SCML2: variants seen among roughly 807,000 people sequenced by gnomAD.
The protein encoded by SCML2 is Scm polycomb group protein like 2, also known as sex comb on midleg-like protein 2.
Under a neutral mutation model 48.4 loss-of-function variants are expected in SCML2, and 6 were observed. The ratio of observed to expected loss-of-function variants is 0.12; its 90% confidence interval spans 0.07 to 0.24. The LOEUF is 0.24. Among genes scored for constraint, SCML2 ranks in the 10% least tolerant of loss-of-function variants. The pLI, the probability that SCML2 is intolerant of heterozygous loss-of-function variation, is 1.00. For synonymous variants in SCML2, 181 were observed against 189.5 expected (o/e 0.95, Z 0.37); for missense variants, 377 against 528.2 (o/e 0.71, Z 2.81).
chrX:18,318,810 T>G (rs1032726390), intron 6 of SCML2, among the ~76,000 whole-genome samples: 21 of 111,922 alleles, frequency 1.9e-4, no homozygotes, highest in African/African-American at 6.8e-4. Flanking sequence ...ATTGGACCAG[T>G]GGGTTATTGT....
At chrX:18,329,059 G>A (rs954699790) in intron 3 of SCML2, among the ~76,000 whole-genome samples, 1 of 111,418 alleles carries the variant, frequency 9.0e-6, no homozygotes, top group East Asian at 2.8e-4. Context: ...CTTTTTAGGG[G>A]GATAAAAATG....
intron 11 of SCML2, among the ~76,000 whole-genome samples, chrX:18,254,649 C>T (rs776231293): frequency 1.3e-4 from 15 of 111,816 alleles, no homozygotes; most frequent in African/African-American, 4.5e-4. Flanking sequence ...TTGGGCCTGG[C>T]ATGGTGGCTC....
intron 6 of SCML2, among the ~76,000 whole-genome samples, chrX:18,310,440 A>AT (rs1928913981): frequency 9.3e-6 from 1 of 106,962 alleles, no homozygotes; most frequent in Non-Finnish European, 1.9e-5. Flanking sequence ...TAATTTTTGT[A>AT]TTTTTAGTAG....
intron 7 of SCML2, among the ~76,000 whole-genome samples, chrX:18,282,821 GA>G (rs1203876177): frequency 1.8e-5 from 2 of 111,234 alleles, no homozygotes; most frequent in Non-Finnish European, 3.8e-5. Flanking sequence ...CCAACCAAAA[GA>G]AGCCCCAGAA....
chrX:18,276,489 C>T (rs1317899469), intron 7 of SCML2, among the ~76,000 whole-genome samples: 2 of 110,744 alleles, frequency 1.8e-5, no homozygotes, highest in Non-Finnish European at 3.8e-5. Context: ...TATTGACATA[C>T]ATACATACGT....
chrX:18,263,814 T>A (rs1927158882), intron 8 of SCML2, among the ~76,000 whole-genome samples: 1 of 107,600 alleles, frequency 9.3e-6, no homozygotes, highest in Non-Finnish European at 1.9e-5. Flanking sequence ...GGTTGATAGT[T>A]TTTTTTTTTT....
chrX:18,328,488 C>A (rs1158274039), intron 3 of SCML2, among the ~76,000 whole-genome samples: 1 of 111,023 alleles, frequency 9.0e-6, no homozygotes, highest in Non-Finnish European at 1.9e-5. Flanking sequence ...CTGGGAAACA[C>A]AGAGAGACCC....
At chrX:18,308,024 G>T (rs1928811683) in intron 6 of SCML2, among the ~76,000 whole-genome samples, 1 of 107,607 alleles carries the variant, frequency 9.3e-6, no homozygotes, top group African/African-American at 3.4e-5. Flanking sequence ...AATCCAGGAG[G>T]CGGAGGTTGC....
At chrX:18,338,181 C>T (rs758035257) in intron 1 of SCML2, among the ~76,000 whole-genome samples, 118 of 111,912 alleles carry the variant, frequency 1.1e-3, no homozygotes, top group Non-Finnish European at 2.0e-3. Context: ...CGGTGGCTCA[C>T]GCCTGTAATC....
intron 1 of SCML2, among the ~76,000 whole-genome samples, chrX:18,343,181 T>A (rs763117092): frequency 9.2e-6 from 1 of 109,150 alleles, no homozygotes; most frequent in South Asian, 4.0e-4. Flanking sequence ...CTTTTTTTTT[T>A]ATTTTGTTTT....
chrX:18,304,858 C>A (rs1928707134), intron 7 of SCML2, 114 bp downstream of exon 7: 1 of 850,289 alleles, frequency 1.2e-6, no homozygotes, highest in Non-Finnish European at 1.7e-6. Context: ...TTCTGTCTGC[C>A]ACCAGTTGGG....
At position 18,330,662 on chromosome X, in the gene SCML2, A is replaced by G; in HGVS notation, c.23-7T>C. The G allele has an allele frequency of 9.0e-7, 1 of 1,114,738 alleles. No individual in the cohort carries two copies. The highest frequency in any genetic ancestry group is 2.0e-5 in the South Asian group (1 of 50,072). The allele number at this position is 1,114,738 out of a possible 1,213,427, so 91.9% of individuals were successfully genotyped here. A position where few individuals can be genotyped will look rare whatever the true frequency, so the allele number is the denominator to read the frequency against. Reference sequence around the variant, plus strand: ...TTCTTGACATCCATGGAATCTAATAAAAAAGAAAATAGCAATACTGGGAGT... The same window carrying G: ...TTCTTGACATCCATGGAATCTAATAGAAAAGAAAATAGCAATACTGGGAGT... On this transcript the variant is annotated splice_polypyrimidine_tract_variant and splice_region_variant and intron_variant, in intron 2 of 14. Transcript: ENST00000251900.
intron 3 of SCML2, among the ~76,000 whole-genome samples, chrX:18,327,830 C>T (rs1205133738): frequency 9.0e-6 from 1 of 111,556 alleles, no homozygotes; most frequent in East Asian, 2.8e-4. Flanking sequence ...GTGTTCATAA[C>T]ATAGGGGAAA....
chrX:18,340,907 C>T (rs1393686291), intron 1 of SCML2, among the ~76,000 whole-genome samples: 1 of 110,994 alleles, frequency 9.0e-6, no homozygotes, highest in Non-Finnish European at 1.9e-5. Flanking sequence ...TTTTTAAGTT[C>T]ATAACTATAT....
rs778240972 is a variant in SCML2 at position 18,244,490 on chromosome X, T to C, written c.1823-1900A>G. On this transcript the variant is annotated intron_variant, in intron 13 of 14. Coordinates refer to ENST00000251900, the MANE Select transcript of SCML2 (RefSeq NM_006089.3). ...GGGGTATAAAATTTTATATTAAAAA[T>C]AAAACCATAAGATTTTCTATTTTTA... 3.6e-5 allele frequency among the ~76,000 whole-genome samples: 4 copies of C among 112,017 alleles called. No individual in the cohort carries two copies. The East Asian group carries it at 1.1e-3, about 31-fold the overall frequency.
At chrX:18,258,009 G>C (rs756562389) in intron 10 of SCML2, 35 bp downstream of exon 10, 3 of 1,045,685 alleles carry the variant, frequency 2.9e-6, no homozygotes, top group Non-Finnish European at 4.0e-6. Flanking sequence ...GAAGGGGGAA[G>C]GGACTGAATT....
At chrX:18,281,541 G>A (rs773201264) in intron 7 of SCML2, among the ~76,000 whole-genome samples, 312 of 107,321 alleles carry the variant, frequency 2.9e-3, no homozygotes, top group African/African-American at 9.9e-3. Context: ...GCAAAACCCC[G>A]TCTCTACTAG....
intron 6 of SCML2, among the ~76,000 whole-genome samples, chrX:18,309,410 C>A (rs1030653144): frequency 9.0e-6 from 1 of 111,522 alleles, no homozygotes; most frequent in Non-Finnish European, 1.9e-5. Context: ...TACCATTCGA[C>A]CCAGCAATCC....
chrX:18,245,440 T>C (rs17246973), intron 13 of SCML2, among the ~76,000 whole-genome samples: 16,012 of 111,710 alleles, frequency 0.14, 1,105 homozygotes, highest in Middle Eastern at 0.31. Context: ...GGAGTAAGCA[T>C]CTATTGTTAG....
Sources: gnomAD v4.1 joint callset for allele counts (sites outside exome capture counted in the v4.1 genomes callset) on GRCh38, gnomAD v4.1.1 for gene constraint, MANE v1.5 for transcripts, NCBI Gene and HGNC (gene_info 2026-07-23, HGNC 2026-07-21) for gene names.